The following LRRTM4 variants were observed in gnomAD, a reference collection of about 807,000 sequenced individuals.
LRRTM4 encodes leucine-rich repeat transmembrane neuronal protein 4.
In LRRTM4, 25 loss-of-function variants were observed where a neutral mutation model predicts 47.6. That is an observed-to-expected ratio of 0.53 (90% CI 0.38 to 0.73). The LOEUF (loss-of-function observed/expected upper bound fraction) is 0.73, where lower values mean the gene tolerates loss of function less well. Among genes scored for constraint, LRRTM4 ranks in the 30% least tolerant of loss-of-function variants. The probability of loss-of-function intolerance (pLI) is 0.00; values close to 1 mark genes in which losing one functional copy is unlikely to be tolerated. For missense variants in LRRTM4, 638 were observed against 713.4 expected, an observed-to-expected ratio of 0.89 and a Z score of 1.20; for synonymous variants, 311 against 269.5, an observed-to-expected ratio of 1.15 and a Z score of -1.51.
intron 3 of LRRTM4, among the ~76,000 whole-genome samples, chr2:77,393,731 T>G (rs1673592739): frequency 1.3e-5 from 2 of 151,942 alleles, no homozygotes; most frequent in Admixed American, 6.6e-5. Context: ...CTGAAATTGT[T>G]AGGGAGAGAA....
intron 3 of LRRTM4, among the ~76,000 whole-genome samples, chr2:77,364,491 C>T (rs577085403): frequency 6.6e-6 from 1 of 152,206 alleles, no homozygotes; most frequent in East Asian, 1.9e-4. Context: ...AGGGACAACT[C>T]TCTAACAGCC....
chr2:76,801,725 A>C (rs1275357564), intron 3 of LRRTM4, among the ~76,000 whole-genome samples: 1 of 152,140 alleles, frequency 6.6e-6, no homozygotes, highest in East Asian at 1.9e-4. Context: ...AATCCTCAGC[A>C]AAATATCAGC....
At chr2:77,306,898 T>TATATATATATATATATATA (rs1491493424) in intron 3 of LRRTM4, among the ~76,000 whole-genome samples, 2 of 81,448 alleles carry the variant, frequency 2.5e-5, no homozygotes, top group African/African-American at 1.4e-4. Context: ...CTTTTCCATA[T>TATATATATATATATATATA]TTTTTTTTTT....
intron 3 of LRRTM4, among the ~76,000 whole-genome samples, chr2:76,776,378 T>A (rs991077683): frequency 2.0e-5 from 3 of 152,130 alleles, no homozygotes; most frequent in Non-Finnish European, 4.4e-5. Flanking sequence ...CCACCAACAG[T>A]GTAAAAGTGT....
intron 3 of LRRTM4, among the ~76,000 whole-genome samples, chr2:77,497,609 A>C (rs558762860): frequency 6.6e-6 from 1 of 151,224 alleles, no homozygotes; most frequent in African/African-American, 2.4e-5. Flanking sequence ...CCACTATACT[A>C]TGTACATATA....
chr2:77,337,404 G>A (rs1002209410), intron 3 of LRRTM4, among the ~76,000 whole-genome samples: 3 of 152,166 alleles, frequency 2.0e-5, no homozygotes, highest in East Asian at 3.9e-4. Context: ...TCAGGAAAGA[G>A]CCTGATATGG....
At chr2:77,423,982 A>G (rs10209045) in intron 3 of LRRTM4, among the ~76,000 whole-genome samples, 53,729 of 151,924 alleles carry the variant, frequency 0.35, 9,609 homozygotes, top group African/African-American at 0.37. Context: ...GCTGTCAATT[A>G]GAATAATTTT....
At chr2:76,884,254 G>T (rs1371838936) in intron 3 of LRRTM4, among the ~76,000 whole-genome samples, 1 of 152,126 alleles carries the variant, frequency 6.6e-6, no homozygotes, top group East Asian at 1.9e-4. Context: ...CTTATTTAGG[G>T]AAGAAGAAAG....
chr2:77,125,345 G>A (rs181636117), intron 3 of LRRTM4, among the ~76,000 whole-genome samples: 3 of 152,260 alleles, frequency 2.0e-5, no homozygotes, highest in South Asian at 2.1e-4. Context: ...TTCTAGAAAG[G>A]TTTCCATCAC....
intron 3 of LRRTM4, among the ~76,000 whole-genome samples, chr2:76,965,592 A>G (rs1675998388): frequency 6.6e-6 from 1 of 151,238 alleles, no homozygotes; most frequent in Admixed American, 6.6e-5. Flanking sequence ...TCTTATAATT[A>G]TTATTGTTTA....
chr2:77,422,385 C>T (rs1014610878), intron 3 of LRRTM4, among the ~76,000 whole-genome samples: 2 of 152,096 alleles, frequency 1.3e-5, no homozygotes, highest in Non-Finnish European at 2.9e-5. Flanking sequence ...AAACTGCATC[C>T]ATGTCTGATG....
intron 3 of LRRTM4, among the ~76,000 whole-genome samples, chr2:77,364,658 A>G (rs966206865): frequency 6.6e-6 from 1 of 151,992 alleles, no homozygotes; most frequent in Non-Finnish European, 1.5e-5. Context: ...CTGTGAGTCA[A>G]TAGTCTGTAA....
chr2:77,406,649 T>C (rs1449523481), intron 3 of LRRTM4, among the ~76,000 whole-genome samples: 1 of 152,080 alleles, frequency 6.6e-6, no homozygotes, highest in African/African-American at 2.4e-5. Flanking sequence ...TGAAAATCAT[T>C]TTATATTATA....
At position 77,435,161 on chromosome 2, in the gene LRRTM4, G is replaced by A. The variant is rs1360583777; in HGVS notation, c.1551+83157C>T. 5.9e-5 allele frequency among the ~76,000 whole-genome samples: 9 copies of A among 151,874 alleles called. No homozygotes were observed. The South Asian group carries it at 1.9e-3, about 32-fold the overall frequency. ...TTCATTGCAAAATTTTCTCTGGGGG[G>A]CAAAAGAGCCCCTGGTTGAGAAGCA... On this transcript the variant is annotated intron_variant, in intron 3 of 3. Coordinates refer to ENST00000409884, the MANE Select transcript of LRRTM4 (RefSeq NM_001134745.3).
chr2:76,941,907 C>G (rs1675157135), intron 3 of LRRTM4, among the ~76,000 whole-genome samples: 1 of 152,112 alleles, frequency 6.6e-6, no homozygotes, highest in South Asian at 2.1e-4. Flanking sequence ...CATAATGGTT[C>G]AACTAATTTA....
intron 3 of LRRTM4, among the ~76,000 whole-genome samples, chr2:77,321,645 G>A (rs1677795737): frequency 6.6e-6 from 1 of 151,636 alleles, no homozygotes; most frequent in Non-Finnish European, 1.5e-5. Flanking sequence ...AAACCGGGGG[G>A]AAATATCCTC....
chr2:77,185,820 T>A (rs1342022173), intron 3 of LRRTM4, among the ~76,000 whole-genome samples: 1 of 152,148 alleles, frequency 6.6e-6, no homozygotes, highest in African/African-American at 2.4e-5. Flanking sequence ...TAGTTTGAAT[T>A]ACTGTTCAGT....
chr2:77,132,229 T>C (rs1671821414), intron 3 of LRRTM4, among the ~76,000 whole-genome samples: 1 of 152,186 alleles, frequency 6.6e-6, no homozygotes, highest in Admixed American at 6.5e-5. Context: ...CACTTACGAG[T>C]TAGAACATGT....
chr2:77,294,329 T>C (rs1330637953), intron 3 of LRRTM4, among the ~76,000 whole-genome samples: 1 of 152,124 alleles, frequency 6.6e-6, no homozygotes, highest in Non-Finnish European at 1.5e-5. Flanking sequence ...ATATCAGTTA[T>C]CAAATATAGA....
Sources: gnomAD v4.1 joint callset for allele counts (sites outside exome capture counted in the v4.1 genomes callset) on GRCh38, gnomAD v4.1.1 for gene constraint, MANE v1.5 for transcripts, NCBI Gene and HGNC (gene_info 2026-07-23, HGNC 2026-07-21) for gene names.